Variants in PTPRD observed in about 807,000 individuals in gnomAD.
PTPRD encodes the protein receptor-type tyrosine-protein phosphatase delta.
PTPRD carries 34 observed loss-of-function variants against 214.5 expected under a neutral mutation model. The observed-to-expected ratio is 0.16, with a 90% CI of 0.12 to 0.21. The LOEUF (loss-of-function observed/expected upper bound fraction) is 0.21. PTPRD is among the 10% of genes least tolerant of loss of function. PTPRD has a pLI of 1.00. For synonymous variants in PTPRD, 1,128 were observed against 845.7 expected (o/e 1.33, Z -5.79); for missense variants, 2,545 against 2,398.7 (o/e 1.06, Z -1.27).
chr9:8,501,051 C>G lies in PTPRD; in HGVS notation c.1831G>C (p.Ala611Pro), dbSNP rs1042516844. 1.9e-6 allele frequency: 3 copies of G among 1,610,436 alleles called. No individual in the cohort carries two copies. The highest frequency in any genetic ancestry group is 2.5e-6 in the Non-Finnish European group (3 of 1,177,502). ...SARTMQSKPSAPPQDISCTSP... is the reference protein window; with the variant it reads ...SARTMQSKPSPPPQDISCTSP... ...GTGCAACTAATGTCTTGAGGAGGAG[C>G]TGACGGCTCTTATTTTGGTAGTGAG... is the stretch of plus-strand genomic sequence containing the variant. Residue 611 changes from alanine to proline, a missense_variant, in exon 24 of 46, where the codon GCT (alanine) becomes CCT (proline). By Grantham distance (27) the Ala-to-Pro change is conservative (BLOSUM62 -1). Coordinates refer to ENST00000381196, the MANE Select transcript of PTPRD (RefSeq NM_002839.4).
chr9:9,452,251 A>G (rs2092339366), intron 8 of PTPRD, among the ~76,000 whole-genome samples: 1 of 151,442 alleles, frequency 6.6e-6, no homozygotes, highest in Non-Finnish European at 1.5e-5. Flanking sequence ...TGACAATAGA[A>G]TAATATTTTC....
intron 11 of PTPRD, among the ~76,000 whole-genome samples, chr9:8,791,160 C>T (rs188573474): frequency 6.6e-6 from 1 of 152,256 alleles, no homozygotes; most frequent in East Asian, 1.9e-4. Flanking sequence ...AAATGGTAAA[C>T]ATGAGAAACA....
intron 2 of PTPRD, among the ~76,000 whole-genome samples, chr9:10,378,110 G>A (rs2097762982): frequency 6.6e-6 from 1 of 152,004 alleles, no homozygotes; most frequent in Non-Finnish European, 1.5e-5. Context: ...CATTTTAAAT[G>A]GAGAGAGATG....
intron 11 of PTPRD, among the ~76,000 whole-genome samples, chr9:8,990,923 C>T (rs1048919172): frequency 4.6e-5 from 7 of 152,024 alleles, no homozygotes; most frequent in African/African-American, 1.2e-4. Flanking sequence ...AGCATAAAAA[C>T]GGATTGATAG....
chr9:10,187,796 C>T (rs1564403820), intron 3 of PTPRD, among the ~76,000 whole-genome samples: 1 of 152,204 alleles, frequency 6.6e-6, no homozygotes, highest in Non-Finnish European at 1.5e-5. Flanking sequence ...ACTTCATCAC[C>T]TCTCACTAGA....
intron 9 of PTPRD, among the ~76,000 whole-genome samples, chr9:9,393,467 T>A (rs757243188): frequency 6.6e-6 from 1 of 152,054 alleles, no homozygotes; most frequent in Non-Finnish European, 1.5e-5. Context: ...AGGGGCCACA[T>A]GGAAAAGAAC....
intron 3 of PTPRD, among the ~76,000 whole-genome samples, chr9:10,044,055 G>T (rs1350878160): frequency 1.3e-5 from 2 of 151,676 alleles, no homozygotes; most frequent in African/African-American, 4.8e-5. Context: ...GAGAGAGGAG[G>T]TCTGTCTCAG....
chr9:10,271,948 A>T (rs2154383311), intron 3 of PTPRD, among the ~76,000 whole-genome samples: 1 of 152,268 alleles, frequency 6.6e-6, no homozygotes, highest in East Asian at 1.9e-4. Flanking sequence ...ATTGTTCAGT[A>T]ACAACTTCAT....
At chr9:10,315,765 T>C (rs1001780179) in intron 3 of PTPRD, among the ~76,000 whole-genome samples, 3 of 151,978 alleles carry the variant, frequency 2.0e-5, no homozygotes, top group African/African-American at 4.8e-5. Context: ...TTGAGAAGAA[T>C]TAACCTTCCT....
intron 5 of PTPRD, among the ~76,000 whole-genome samples, chr9:9,929,953 T>C (rs1040606704): frequency 1.6e-4 from 25 of 152,160 alleles, no homozygotes; most frequent in African/African-American, 6.0e-4. Context: ...CCAGAGATAA[T>C]GGACAGTACT....
chr9:8,998,548 A>G lies in PTPRD; in HGVS notation c.-104+20149T>C, dbSNP rs1419503393. On this transcript the variant is annotated intron_variant, in intron 11 of 45. Transcript: ENST00000381196. The stretch of plus-strand genomic sequence containing the variant: ...CTCATTGACAAGCACCTAGTTACCC[A>G]AGAGCTCTGATGGAAATATGTAAGG... Among the ~76,000 whole-genome samples, 3 of 152,142 alleles carry G rather than the reference A, an allele frequency of 2.0e-5. No homozygotes were observed. The East Asian group carries it at 5.8e-4, about 29-fold the overall frequency.
At chr9:9,250,913 T>C (rs1445018269) in intron 9 of PTPRD, among the ~76,000 whole-genome samples, 1 of 152,110 alleles carries the variant, frequency 6.6e-6, no homozygotes, top group African/African-American at 2.4e-5. Flanking sequence ...GGATCACACA[T>C]AGATGCAAAT....
At chr9:9,216,332 C>G (rs1455381465) in intron 9 of PTPRD, among the ~76,000 whole-genome samples, 1 of 152,204 alleles carries the variant, frequency 6.6e-6, no homozygotes, top group African/African-American at 2.4e-5. Flanking sequence ...ACTTACCTCT[C>G]TCTACCTCAG....
At chr9:8,332,633 G>T (rs1587857430) in intron 43 of PTPRD, among the ~76,000 whole-genome samples, 2 of 143,042 alleles carry the variant, frequency 1.4e-5, no homozygotes, top group African/African-American at 6.0e-5. Context: ...GGGTTGAAAA[G>T]AAGACACTAA....
At chr9:8,822,257 T>C (rs2097084367) in intron 11 of PTPRD, among the ~76,000 whole-genome samples, 1 of 152,174 alleles carries the variant, frequency 6.6e-6, no homozygotes, top group Admixed American at 6.5e-5. Flanking sequence ...TTTTTGCCCC[T>C]GGAACATTCA....
chr9:8,494,508 T>A (rs1371506119), intron 26 of PTPRD, among the ~76,000 whole-genome samples: 3 of 152,160 alleles, frequency 2.0e-5, no homozygotes, highest in African/African-American at 7.2e-5. Context: ...CCAAAAACTA[T>A]CATGAGTAAA....
intron 2 of PTPRD, among the ~76,000 whole-genome samples, chr9:10,483,249 G>A (rs758572835): frequency 9.9e-5 from 15 of 152,054 alleles, no homozygotes; most frequent in African/African-American, 3.1e-4. Flanking sequence ...AAATGAAACT[G>A]GATCCTTATT....
At chr9:8,421,506 A>C (rs561572353) in intron 35 of PTPRD, among the ~76,000 whole-genome samples, 5 of 152,152 alleles carry the variant, frequency 3.3e-5, no homozygotes, top group Non-Finnish European at 7.3e-5. Context: ...CAGAAGACAC[A>C]AAAGTAAAAC....
At chr9:9,499,547 GA>G in intron 8 of PTPRD, among the ~76,000 whole-genome samples, 1 of 152,134 alleles carries the variant, frequency 6.6e-6, no homozygotes. Flanking sequence ...TTAAAATTAA[GA>G]CATTATTTTT....
Sources: allele counts gnomAD v4.1 joint callset (sites outside exome capture counted in the v4.1 genomes callset), GRCh38; gene constraint gnomAD v4.1.1; transcripts MANE v1.5; gene names NCBI Gene and HGNC (gene_info 2026-07-23, HGNC 2026-07-21).